Variants in COP1 observed in about 807,000 individuals in gnomAD.
COP1 encodes the protein COP1 E3 ubiquitin ligase.
A neutral mutation model predicts 101.3 loss-of-function variants in COP1; 24 were observed. That is an observed-to-expected ratio of 0.24 (90% confidence interval 0.17 to 0.33). COP1 has a LOEUF of 0.33. Ranked by LOEUF, COP1 falls within the 10% of genes least tolerant of loss-of-function variation. The pLI, the probability that COP1 is intolerant of heterozygous loss-of-function variation, is 1.00. For synonymous variants in COP1, 347 were observed against 341.9 expected (o/e 1.01, Z -0.17); for missense variants, 663 against 906.2 (o/e 0.73, Z 3.45).
rs150103125 is a variant in COP1, at chr1:176,078,433, T to C, written c.1277+2719A>G. Among the ~76,000 whole-genome samples, 351 of 152,284 alleles carry C rather than the reference T, an allele frequency of 2.3e-3. 1 individual carries two copies. Among genetic ancestry groups the C allele is most frequent in the African/African-American group, 8.2e-3 (339 of 41,568 alleles). On this transcript the variant is annotated intron_variant, in intron 11 of 19. Transcript: ENST00000367669. ...ATTCAATCAATGGTGCTTGGATAAC[T>C]AGCTAGCCATGTGCAGAAGAATAAA...
At chr1:175,951,143 G>A (rs1335410641) in intron 18 of COP1, among the ~76,000 whole-genome samples, 1 of 152,030 alleles carries the variant, frequency 6.6e-6, no homozygotes, top group Non-Finnish European at 1.5e-5. Flanking sequence ...CAGCTACTTG[G>A]GAGGCTGAGA....
chr1:175,993,022 G>A (rs1031639964), intron 15 of COP1, among the ~76,000 whole-genome samples: 5 of 152,196 alleles, frequency 3.3e-5, no homozygotes, highest in East Asian at 1.9e-4. Flanking sequence ...ACCTCACACC[G>A]CCGGGTACTC....
chr1:176,058,859 T>C (rs1177104413), intron 11 of COP1, among the ~76,000 whole-genome samples: 1 of 150,728 alleles, frequency 6.6e-6, no homozygotes, highest in Non-Finnish European at 1.5e-5. Flanking sequence ...TCAGATCCCA[T>C]ATGTGAGTTA....
intron 9 of COP1, among the ~76,000 whole-genome samples, chr1:176,116,098 C>A (rs1360178190): frequency 1.3e-5 from 2 of 152,046 alleles, no homozygotes; most frequent in African/African-American, 2.4e-5. Flanking sequence ...TAAAAAACTG[C>A]CAGGGATAGT....
At chr1:175,992,229 A>G (rs542094968) in intron 15 of COP1, among the ~76,000 whole-genome samples, 7 of 152,196 alleles carry the variant, frequency 4.6e-5, no homozygotes, top group African/African-American at 1.7e-4. Context: ...CTAATTATAC[A>G]TTTTCAGTTA....
intron 9 of COP1, among the ~76,000 whole-genome samples, chr1:176,093,667 G>A (rs886131156): frequency 2.1e-4 from 32 of 152,054 alleles, no homozygotes; most frequent in Non-Finnish European, 2.1e-4. Flanking sequence ...GTGAAACCCC[G>A]TCTCTACTAA....
Position 176,117,745 on chromosome 1 carries a change from A to T in COP1, c.969-1064T>A, listed in dbSNP as rs1387919961. Among the ~76,000 whole-genome samples, 4 of 152,226 alleles carry T rather than the reference A, an allele frequency of 2.6e-5. No individual in the cohort carries two copies. In the South Asian group the frequency reaches 8.3e-4, roughly 32 times the overall value. On this transcript the variant is annotated intron_variant, in intron 8 of 19. Coordinates refer to ENST00000367669, the MANE Select transcript of COP1 (RefSeq NM_022457.7). ...CCCTGTCTCTACTAAAAGTAAAAAA[A>T]TTAGCTGGGTGTGATGGCAAGCTCC...
intron 11 of COP1, among the ~76,000 whole-genome samples, chr1:176,077,765 C>T (rs1300214228): frequency 6.6e-6 from 1 of 152,154 alleles, no homozygotes; most frequent in Non-Finnish European, 1.5e-5. Context: ...AAAGACTCTG[C>T]CAAAAGGCTC....
intron 14 of COP1, among the ~76,000 whole-genome samples, chr1:176,038,765 C>A (rs1670009214): frequency 6.6e-6 from 1 of 151,318 alleles, no homozygotes; most frequent in Non-Finnish European, 1.5e-5. Context: ...TTGTGGTGAG[C>A]CAAGATCATA....
intron 3 of COP1, among the ~76,000 whole-genome samples, chr1:176,172,332 G>A (rs1696205409): frequency 6.6e-6 from 1 of 152,172 alleles, no homozygotes; most frequent in South Asian, 2.1e-4. Context: ...TTGAGCCACT[G>A]CACCTGGCCA....
intron 2 of COP1, among the ~76,000 whole-genome samples, chr1:176,181,918 T>A (rs541326108): frequency 1.3e-5 from 2 of 152,066 alleles, no homozygotes; most frequent in East Asian, 3.8e-4. Flanking sequence ...AATTGTATTA[T>A]AATAAGGATC....
rs888142730 is a variant in COP1 at position 176,064,990 on chromosome 1, A to G, written c.1277+16162T>C. Among the ~76,000 whole-genome samples the G allele has an allele frequency of 4.6e-5, 7 of 152,136 alleles. 1 individual carries two copies. The South Asian group carries it at 6.2e-4, about 13-fold the overall frequency. On this transcript the variant is annotated intron_variant, in intron 11 of 19. Transcript: ENST00000367669. ...GTTGCCGTTTAACCTACCTATTGCA[A>G]TTACTCTCCCCTTTATAATTTAGAG...
intron 15 of COP1, among the ~76,000 whole-genome samples, chr1:175,992,688 T>C (rs1571461737): frequency 6.6e-6 from 1 of 152,136 alleles, no homozygotes; most frequent in South Asian, 2.1e-4. Context: ...GCAGCGAGGC[T>C]GGGGGAGGGG....
At chr1:176,116,569 T>G in intron 9 of COP1, 55 bp downstream of exon 9, 1 of 1,363,990 alleles carries the variant, frequency 7.3e-7, no homozygotes. Flanking sequence ...TATGATTTTA[T>G]AACTCAGATA....
At chr1:176,170,762 G>C (rs539730659) in intron 3 of COP1, among the ~76,000 whole-genome samples, 2 of 152,212 alleles carry the variant, frequency 1.3e-5, no homozygotes, top group East Asian at 3.9e-4. Flanking sequence ...GCCTGTCCTT[G>C]GAAGCTTTGA....
chr1:176,082,805 CA>C (rs367796613), intron 10 of COP1, among the ~76,000 whole-genome samples: 14 of 132,794 alleles, frequency 1.1e-4, no homozygotes, highest in African/African-American at 8.4e-5. Flanking sequence ...AACTCCATCT[CA>C]AAAAAAAAAG....
At chr1:176,204,444 A>C (rs1700613810) in intron 1 of COP1, among the ~76,000 whole-genome samples, 2 of 152,104 alleles carry the variant, frequency 1.3e-5, no homozygotes, top group South Asian at 4.1e-4. Context: ...CCCACAGCCA[A>C]ACGGGGGGAA....
intron 5 of COP1, among the ~76,000 whole-genome samples, chr1:176,158,494 T>C (rs1298942133): frequency 6.6e-6 from 1 of 152,098 alleles, no homozygotes; most frequent in East Asian, 1.9e-4. Context: ...TAAGACTTGC[T>C]AGAAATCTCC....
At chr1:175,996,846 G>A (rs1660280690) in intron 15 of COP1, among the ~76,000 whole-genome samples, 1 of 151,998 alleles carries the variant, frequency 6.6e-6, no homozygotes. Context: ...TAGATTCAAT[G>A]CCATCCCCAT....
Sources: gnomAD v4.1 joint callset for allele counts (sites outside exome capture counted in the v4.1 genomes callset) on GRCh38, gnomAD v4.1.1 for gene constraint, MANE v1.5 for transcripts, NCBI Gene and HGNC (gene_info 2026-07-23, HGNC 2026-07-21) for gene names.